PLXNB2: variants seen among roughly 807,000 people sequenced by gnomAD.
The protein encoded by PLXNB2 is plexin B2.
PLXNB2 carries 85 observed loss-of-function variants against 202.6 expected under a neutral mutation model. That is an observed-to-expected ratio of 0.42 (90% CI 0.35 to 0.50). The LOEUF is 0.50. Ranked by LOEUF, PLXNB2 falls within the 20% of genes least tolerant of loss-of-function variation. The pLI, the probability that PLXNB2 is intolerant of heterozygous loss-of-function variation, is 0.02. For synonymous variants in PLXNB2, 1,239 were observed against 1,137.6 expected (o/e 1.09, Z -1.79); for missense variants, 2,063 against 2,586.2 (o/e 0.80, Z 4.39).
Position 50,307,645 on chromosome 22 carries a change from G to A in PLXNB2, c.-166C>T. The A allele has an allele frequency of 1.0e-6, 1 of 981,106 alleles. No homozygotes were observed. Among genetic ancestry groups the A allele is most frequent in the Non-Finnish European group, 1.2e-6 (1 of 828,000 alleles). The allele number at this position is 981,106 out of a possible 1,614,324, so 60.8% of individuals were successfully genotyped here. A position where few individuals can be genotyped will look rare whatever the true frequency, so the allele number is the denominator to read the frequency against. On this transcript the variant is annotated 5_prime_UTR_variant, in exon 1 of 37. Transcript: ENST00000359337. ...GCTGCCATGGAGACGGGGCCTTTGT[G>A]TGGCCGAGGAGGGGCCGGAGCGCGC...
chr22:50,287,488 G>C (rs1221703342), intron 7 of PLXNB2, among the ~76,000 whole-genome samples, 179 bp downstream of exon 7: 1 of 152,124 alleles, frequency 6.6e-6, no homozygotes, highest in Non-Finnish European at 1.5e-5. Context: ...GCCCGCCCAG[G>C]TCATAGGGGT....
At chr22:50,295,236 G>A (rs575660326) in intron 1 of PLXNB2, among the ~76,000 whole-genome samples, 164 of 150,682 alleles carry the variant, frequency 1.1e-3, no homozygotes, top group African/African-American at 3.6e-3. Context: ...CAGGAGAATG[G>A]CATGAACCCG....
rs373532226 is a variant in PLXNB2 at position 50,288,047 on chromosome 22, C to T, written c.1381-10G>A. 1.2e-3 allele frequency: 1,929 copies of T among 1,549,822 alleles called. 2 individuals are homozygous for T. The highest frequency in any genetic ancestry group is 1.3e-3 in the Middle Eastern group (7 of 5,470). ...CCGGCAGCCGGAACACCTAGGGCAG[C>T]GGGGCCGTGAGTGGGACCACAGCAG... On this transcript the variant is annotated splice_polypyrimidine_tract_variant and intron_variant, in intron 5 of 36. Transcript: ENST00000359337. The surrounding 1 kb of genome is among the most constrained non-coding windows in gnomAD (Gnocchi z 5.0).
chr22:50,277,790 G>A, intron 32 of PLXNB2, 52 bp from the exon 33 acceptor site: 1 of 1,602,180 alleles, frequency 6.2e-7, no homozygotes, highest in Non-Finnish European at 8.5e-7. Context: ...CGGGGTGGGT[G>A]TGGAGCCTCC....
At chr22:50,285,072 G>C (rs4075185) in intron 11 of PLXNB2, among the ~76,000 whole-genome samples, 27,742 of 150,996 alleles carry the variant, frequency 0.18, 3,232 homozygotes, top group Non-Finnish European at 0.26. Flanking sequence ...CTCTGTCCCC[G>C]ATAAATCCTG....
intron 19 of PLXNB2, 41 bp downstream of exon 19, chr22:50,282,143 C>T (rs2066040377): frequency 1.2e-6 from 2 of 1,604,092 alleles, no homozygotes; most frequent in Non-Finnish European, 1.7e-6. Context: ...GGGCACGATC[C>T]CATGGGCCGG....
Position 50,280,725 on chromosome 22 carries a change from C to A in PLXNB2, c.3993+19G>T, listed in dbSNP as rs368186748. 2 of 1,570,048 alleles carry A rather than the reference C, an allele frequency of 1.3e-6. No homozygotes were observed. Among genetic ancestry groups the A allele is most frequent in the East Asian group, 2.3e-5 (1 of 42,718 alleles). ...GGCGCCACCTGTGTGCCCTCCCGCC[C>A]GCCCGACGCCTGGCTCACATTGATG... On this transcript the variant is annotated intron_variant, in intron 24 of 36. Transcript: ENST00000359337.
At chr22:50,299,291 TG>T (rs2067500440) in intron 1 of PLXNB2, among the ~76,000 whole-genome samples, 1 of 34,198 alleles carries the variant, frequency 2.9e-5, no homozygotes, top group Non-Finnish European at 5.8e-5. Context: ...ACACAGGCCC[TG>T]CGTGGGGTGG....
chr22:50,282,237 G>A lies in PLXNB2; in HGVS notation c.3064C>T (p.Pro1022Ser), dbSNP rs761344667. 301 of 1,612,178 alleles carry A rather than the reference G, an allele frequency of 1.9e-4. 1 individual carries two copies. The highest frequency in any genetic ancestry group is 3.6e-4 in the South Asian group (33 of 91,058). The stretch of plus-strand genomic sequence containing the variant: ...CGCGGCGGCTGCCAGGACTGCAGGG[G>A]CTCCGCGATGACCACCATGGCAAAC... The part of the protein sequence containing the change: ...QRFAMVVIAE[P>S]LQSWQPPREA... Residue 1022 changes from proline to serine, a missense_variant, in exon 19 of 37, where the codon CCC becomes TCC. Physicochemically the swap from Pro to Ser is moderately conservative, Grantham distance 74. Transcript: ENST00000359337.
rs956816303 is a variant in PLXNB2, at chr22:50,280,076, G to A, written c.4176-5C>T. ...CTCTCCACCACAGTCTCAGACCTGG[G>A]GGTGCAGGGAGGCCTTGTACCGAGT... On this transcript the variant is annotated splice_polypyrimidine_tract_variant and splice_region_variant and intron_variant, in intron 25 of 36. Transcript: ENST00000359337. 16 of 1,602,508 alleles carry A rather than the reference G, an allele frequency of 1.0e-5. No individual in the cohort carries two copies. Among genetic ancestry groups the A allele is most frequent in the Middle Eastern group, 3.3e-4 (2 of 5,998 alleles).
rs1403460980 is a variant in PLXNB2 at position 50,280,517 on chromosome 22, C to T, written c.4147G>A (p.Ala1383Thr). The T allele has an allele frequency of 6.2e-7, 1 of 1,610,024 alleles. No homozygotes were observed. The highest frequency in any genetic ancestry group is 1.7e-5 in the Admixed American group (1 of 59,980). The change falls in exon 25 of 37, where the codon GCC (alanine) becomes ACC (threonine). Residue 1383 changes from alanine to threonine, a missense_variant. Transcript: ENST00000359337. ...CGCAGCATCAGCTTGGGGTTCTTGGCCACCACGTACTGCTCCAGGAGCTCC... is the reference window on the plus strand; with the variant it reads ...CGCAGCATCAGCTTGGGGTTCTTGGTCACCACGTACTGCTCCAGGAGCTCC... ...FLELLEQYVV[A>T]KNPKLMLRRS...
rs2066642947 is a variant in PLXNB2 at position 50,288,659 on chromosome 22, C to A, written c.1380+84G>T. 6.4e-7 allele frequency: 1 copy of A among 1,550,504 alleles called. No individual in the cohort carries two copies. Among genetic ancestry groups the A allele is most frequent in the African/African-American group, 1.4e-5 (1 of 73,712 alleles). On this transcript the variant is annotated intron_variant, in intron 5 of 36. Coordinates refer to ENST00000359337, the MANE Select transcript of PLXNB2 (RefSeq NM_012401.4). This position sits in a 1 kb window ranked among gnomAD's most constrained non-coding sequence, Gnocchi z 5.0. ...TCTGCAGCACCCCATCCTCCTCTGG[C>A]CCCCAGGCCTGTCCTAAGGGCCTGG...
intron 1 of PLXNB2, among the ~76,000 whole-genome samples, chr22:50,305,659 T>C (rs2067857832): frequency 6.6e-6 from 1 of 152,096 alleles, no homozygotes; most frequent in Non-Finnish European, 1.5e-5. Flanking sequence ...CCCAGTGCCC[T>C]CCCTAGCAGC....
intron 14 of PLXNB2, 36 bp from the exon 15 acceptor site, chr22:50,283,786 C>T (rs867704843): frequency 5.0e-6 from 8 of 1,612,734 alleles, no homozygotes; most frequent in Middle Eastern, 3.3e-4. Flanking sequence ...GGGAGGGGCT[C>T]ATGCCAGGGA....
chr22:50,284,705 G>A lies in PLXNB2; in HGVS notation c.2089-40C>T, dbSNP rs373464579. On this transcript the variant is annotated intron_variant, in intron 11 of 36. Coordinates refer to ENST00000359337, the MANE Select transcript of PLXNB2 (RefSeq NM_012401.4). This position sits in a 1 kb window ranked among gnomAD's most constrained non-coding sequence, Gnocchi z 8.0. The stretch of plus-strand genomic sequence containing the variant: ...GTCAGGACCCTGGACAGGCGGCTGT[G>A]GCACCCTGGCCCTCCTCCCAGAACC... The A allele has an allele frequency of 1.3e-5, 19 of 1,497,984 alleles. No homozygotes were observed. The highest frequency in any genetic ancestry group is 1.7e-5 in the Admixed American group (1 of 59,758). 92.8% of individuals were successfully genotyped at this position (1,497,984 alleles called of 1,614,324 possible). A position where few individuals can be genotyped will look rare whatever the true frequency, so the allele number is the denominator to read the frequency against.
chr22:50,279,608 G>T, intron 27 of PLXNB2, 22 bp downstream of exon 27: 1 of 1,611,654 alleles, frequency 6.2e-7, no homozygotes, highest in Non-Finnish European at 8.5e-7. Flanking sequence ...CGCCCATGGC[G>T]GCCCCCACCC....
At chr22:50,279,074 G>A in intron 27 of PLXNB2, 63 bp from the exon 28 acceptor site, 1 of 1,466,002 alleles carries the variant, frequency 6.8e-7, no homozygotes, top group Non-Finnish European at 9.2e-7. Flanking sequence ...CCATGCAGGA[G>A]CCACTCCCTG....
At position 50,290,554 on chromosome 22, in the gene PLXNB2, G is replaced by T; in HGVS notation, c.31C>A (p.Leu11Met). The T allele has an allele frequency of 6.2e-7, 1 of 1,610,918 alleles. No homozygotes were observed. The highest frequency in any genetic ancestry group is 8.5e-7 in the Non-Finnish European group (1 of 1,179,696). ...CTGGCACCTGCGCCCAGCAGGCCCA[G>T]CAGGGTCAGGGCCCAGAGCTGCAGT... is the stretch of plus-strand genomic sequence containing the variant. MALQLWALTLLGLLGAGASLR... is the reference protein window; with the variant it reads MALQLWALTLMGLLGAGASLR... Residue 11 changes from leucine to methionine, a missense_variant, in exon 3 of 37, where the codon CTG (leucine) becomes ATG (methionine). Leu to Met is a conservative substitution (Grantham distance 15). This residue lies in a region of PLXNB2 where 1,303 missense variants were observed against 1,476.8 expected (regional missense o/e 0.88). Transcript: ENST00000359337.
Position 50,286,290 on chromosome 22 carries a change from G to A in PLXNB2, c.1763-3C>T, listed in dbSNP as rs1385431385. The A allele has an allele frequency of 1.2e-6, 2 of 1,606,022 alleles. No individual in the cohort carries two copies. The highest frequency in any genetic ancestry group is 1.1e-5 in the South Asian group (1 of 90,916). On this transcript the variant is annotated splice_polypyrimidine_tract_variant and splice_region_variant and intron_variant, in intron 8 of 36. Transcript: ENST00000359337. ...CTGGATGGTCACGGCCACGTGGTCT[G>A]CAGACAGCAGAGGGGGAGGTGTCAA...
Sources: allele counts gnomAD v4.1 joint callset (sites outside exome capture counted in the v4.1 genomes callset), GRCh38; gene constraint gnomAD v4.1.1; regional missense constraint gnomAD v4.1.1; non-coding constraint Gnocchi (gnomAD v3.1); transcripts MANE v1.5; gene names NCBI Gene and HGNC (gene_info 2026-07-23, HGNC 2026-07-21).